Variants in LYN observed in about 807,000 individuals in gnomAD.
The protein encoded by LYN is LYN proto-oncogene, Src family tyrosine kinase, also known as tyrosine-protein kinase Lyn.
Under a neutral mutation model 65.0 loss-of-function variants are expected in LYN, and 12 were observed. The observed-to-expected ratio is 0.18, with a 90% CI of 0.12 to 0.30. The LOEUF (loss-of-function observed/expected upper bound fraction) is 0.30, where lower values mean the gene tolerates loss of function less well. Ranked by LOEUF, LYN falls within the 10% of genes least tolerant of loss-of-function variation. The probability of loss-of-function intolerance (pLI) is 1.00; values close to 1 mark genes in which losing one functional copy is unlikely to be tolerated. For synonymous variants in LYN, 222 were observed against 221.2 expected (o/e 1.00, Z -0.03); for missense variants, 380 against 623.2 (o/e 0.61, Z 4.16).
intron 8 of LYN, among the ~76,000 whole-genome samples, chr8:55,955,786 G>C (rs972633906): frequency 6.6e-6 from 1 of 152,080 alleles, no homozygotes; most frequent in Non-Finnish European, 1.5e-5. Flanking sequence ...TTGCCCTTTT[G>C]TGTCTGGCTT....
chr8:55,913,211 A>G (rs934442183), intron 1 of LYN, among the ~76,000 whole-genome samples: 2 of 152,234 alleles, frequency 1.3e-5, no homozygotes, highest in Admixed American at 1.3e-4. Context: ...AAAAGATTTT[A>G]CCAAATAATT....
intron 10 of LYN, among the ~76,000 whole-genome samples, chr8:55,985,501 C>CT (rs1022110921): frequency 6.6e-6 from 1 of 152,188 alleles, no homozygotes; most frequent in Non-Finnish European, 1.5e-5. Flanking sequence ...TACAGATTTC[C>CT]TTTAAGTTTG....
chr8:55,930,121 C>T (rs765754768), intron 1 of LYN, among the ~76,000 whole-genome samples: 47 of 152,190 alleles, frequency 3.1e-4, no homozygotes, highest in Non-Finnish European at 4.6e-4. Context: ...CACCTGACCC[C>T]GCTCTGTGGA....
chr8:55,964,581 A>G (rs1228573631), intron 8 of LYN, among the ~76,000 whole-genome samples: 1 of 152,208 alleles, frequency 6.6e-6, no homozygotes, highest in African/African-American at 2.4e-5. Context: ...AAAAGTACAT[A>G]CTTGGCTGGG....
chr8:55,982,094 G>C (rs1330459136), intron 10 of LYN, among the ~76,000 whole-genome samples: 1 of 152,128 alleles, frequency 6.6e-6, no homozygotes. Flanking sequence ...GAGTTCCCAG[G>C]GTGATGGGCT....
In LYN at chr8:55,950,638, C is replaced by T. The variant is rs370624542; in HGVS notation, c.384-43C>T. The T allele has an allele frequency of 1.8e-5, 29 of 1,574,468 alleles. 1 individual carries two copies. The highest frequency in any genetic ancestry group is 2.5e-5 in the Non-Finnish European group (29 of 1,144,678). ...GTTAATATTCTTCACCTTTTTCTTG[C>T]CGTGGAACATAATATGCAGGAAATG... On this transcript the variant is annotated intron_variant, in intron 5 of 12. Coordinates refer to ENST00000519728, the MANE Select transcript of LYN (RefSeq NM_002350.4).
intron 10 of LYN, among the ~76,000 whole-genome samples, chr8:55,988,122 C>T (rs1312956087): frequency 6.6e-6 from 1 of 152,192 alleles, no homozygotes; most frequent in Non-Finnish European, 1.5e-5. Flanking sequence ...CCATCCCTTT[C>T]CTCCATCCAA....
In LYN at chr8:56,013,155, A is replaced by T. The variant is rs1388492008; in HGVS notation, c.*3045A>T. The T allele has an allele frequency of 6.6e-6, 1 of 152,244 alleles. No individual in the cohort carries two copies. Among genetic ancestry groups the T allele is most frequent in the African/African-American group, 2.4e-5 (1 of 41,450 alleles). The allele number at this position is 152,244 out of a possible 1,614,324, so 9.4% of individuals were successfully genotyped here. ...AAGGGTGCATAAAAGGATAATAACT[A>T]AAAGGAGGGAATTAATTTTGTTGCC... is the stretch of plus-strand genomic sequence containing the variant. On this transcript the variant is annotated 3_prime_UTR_variant, in exon 13 of 13. Coordinates refer to ENST00000519728, the MANE Select transcript of LYN (RefSeq NM_002350.4).
At chr8:55,964,031 A>T (rs1877301) in intron 8 of LYN, among the ~76,000 whole-genome samples, 65,691 of 151,982 alleles carry the variant, frequency 0.43, 14,611 homozygotes, top group Middle Eastern at 0.54. Context: ...AACTCTTAAG[A>T]TCTACAGAAA....
At chr8:55,934,046 T>A (rs552629521) in intron 1 of LYN, among the ~76,000 whole-genome samples, 3 of 152,160 alleles carry the variant, frequency 2.0e-5, no homozygotes, top group Admixed American at 6.5e-5. Context: ...GCCAATATGG[T>A]GAAACCCCAT....
chr8:55,911,554 GA>G lies in LYN; in HGVS notation c.-5-30298del, dbSNP rs555654761. ...CCTGAACTCGTAGGGGCAGCAGGTG[GA>G]AATGTACATTCACTACTTGGTGGAA... On this transcript the variant is annotated intron_variant, in intron 1 of 12. Transcript: ENST00000519728. Among the ~76,000 whole-genome samples, 26 of 152,014 alleles carry G rather than the reference GA, an allele frequency of 1.7e-4. No individual in the cohort carries two copies. The East Asian group carries it at 4.5e-3, about 26-fold the overall frequency.
At chr8:55,894,986 A>G (rs775072946) in intron 1 of LYN, among the ~76,000 whole-genome samples, 3 of 150,594 alleles carry the variant, frequency 2.0e-5, no homozygotes, top group Non-Finnish European at 3.0e-5. Context: ...CCAAGCCTAA[A>G]ATTTTTTGTA....
intron 1 of LYN, among the ~76,000 whole-genome samples, chr8:55,898,721 AC>A (rs1805184472): frequency 6.6e-6 from 1 of 152,254 alleles, no homozygotes; most frequent in South Asian, 2.1e-4. Context: ...TTTTTATTAC[AC>A]AAAAAGAAAT....
chr8:55,911,173 G>GTA (rs1424930975), intron 1 of LYN, among the ~76,000 whole-genome samples: 6 of 14,864 alleles, frequency 4.0e-4, no homozygotes, highest in East Asian at 0.012. Context: ...ATATATACAC[G>GTA]TATATATATA....
At chr8:55,960,559 T>C (rs1807243392) in intron 8 of LYN, among the ~76,000 whole-genome samples, 1 of 152,216 alleles carries the variant, frequency 6.6e-6, no homozygotes, top group African/African-American at 2.4e-5. Context: ...GAGTTGTGAT[T>C]GGTGATTTTA....
intron 8 of LYN, among the ~76,000 whole-genome samples, chr8:55,957,697 C>T (rs922428784): frequency 2.0e-5 from 3 of 152,200 alleles, no homozygotes; most frequent in Admixed American, 6.5e-5. Context: ...AATCCTGGCA[C>T]TTCGGGAGGC....
chr8:55,901,956 C>T (rs936471310), intron 1 of LYN, among the ~76,000 whole-genome samples: 1 of 152,072 alleles, frequency 6.6e-6, no homozygotes, highest in East Asian at 1.9e-4. Flanking sequence ...GATCTGGTTG[C>T]AGAAACCAAG....
At position 55,879,986 on chromosome 8, in the gene LYN, C is replaced by T. The variant is rs1304731811; in HGVS notation, c.-123C>T. On this transcript the variant is annotated 5_prime_UTR_variant, in exon 1 of 13. Coordinates refer to ENST00000519728, the MANE Select transcript of LYN (RefSeq NM_002350.4). Reference sequence around the variant, plus strand: ...CAGCAGCCCCTCGCCGCGCGTCCAGCGTTCCCGGCCAGCAGCCTCCCCATA... The same window carrying T: ...CAGCAGCCCCTCGCCGCGCGTCCAGTGTTCCCGGCCAGCAGCCTCCCCATA... The T allele has an allele frequency of 7.2e-6, 2 of 276,820 alleles. No homozygotes were observed. The highest frequency in any genetic ancestry group is 7.5e-6 in the Non-Finnish European group (1 of 133,750). The allele number at this position is 276,820 out of a possible 1,614,324, so 17.1% of individuals were successfully genotyped here.
intron 1 of LYN, among the ~76,000 whole-genome samples, chr8:55,906,562 G>A (rs189910242): frequency 1.3e-5 from 2 of 151,708 alleles, no homozygotes; most frequent in African/African-American, 4.8e-5. Flanking sequence ...TCACCATGTT[G>A]CCCAGGCTAG....
Sources: allele counts gnomAD v4.1 joint callset (sites outside exome capture counted in the v4.1 genomes callset), GRCh38; gene constraint gnomAD v4.1.1; transcripts MANE v1.5; gene names NCBI Gene and HGNC (gene_info 2026-07-23, HGNC 2026-07-21).